Variants in FGF13 observed in about 807,000 individuals in gnomAD.
FGF13 encodes fibroblast growth factor homologous factor 2.
A neutral mutation model predicts 19.5 loss-of-function variants in FGF13; 2 were observed. The observed-to-expected ratio is 0.10, with a 90% CI of 0.04 to 0.32. FGF13 has a LOEUF of 0.32. Among genes scored for constraint, FGF13 ranks in the 10% least tolerant of loss-of-function variants. The pLI is 1.00. For synonymous variants in FGF13, 72 were observed against 76.9 expected, an observed-to-expected ratio of 0.94 and a Z score of 0.33; for missense variants, 113 against 192.7, an observed-to-expected ratio of 0.59 and a Z score of 2.45.
chrX:139,196,301 G>A (rs2084370490), intron 1 of FGF13, among the ~76,000 whole-genome samples: 1 of 112,004 alleles, frequency 8.9e-6, no homozygotes, highest in Admixed American at 9.5e-5. Flanking sequence ...AAACCAATAT[G>A]AAAGCCAAAG....
chrX:139,151,962 T>C (rs1280268487), intron 1 of FGF13, among the ~76,000 whole-genome samples: 1 of 111,581 alleles, frequency 9.0e-6, no homozygotes, highest in Non-Finnish European at 1.9e-5. Flanking sequence ...GGTATTAAAA[T>C]GTCCTACAAT....
At chrX:138,921,751 C>T (rs932258776) in intron 1 of FGF13, among the ~76,000 whole-genome samples, 1 of 110,884 alleles carries the variant, frequency 9.0e-6, no homozygotes. Flanking sequence ...ACCTTTGAAT[C>T]TAACCTTGTA....
At position 138,975,152 on chromosome X, in the gene FGF13, A is replaced by G. The variant is rs187746111; in HGVS notation, c.-112-110502T>C. ...TCAATGGAAAAACAATAATGAAAGC[A>G]ATAATACTCCCCATGTGCATGGCAC... On this transcript the variant is annotated intron_variant, in intron 1 of 2. Transcript: ENST00000421460. Among the ~76,000 whole-genome samples the G allele has an allele frequency of 2.6e-3, 292 of 113,143 alleles. 2 individuals are homozygous for G. The highest frequency in any genetic ancestry group is 8.9e-3 in the African/African-American group (277 of 31,215).
intron 1 of FGF13, among the ~76,000 whole-genome samples, chrX:138,868,707 C>T (rs777906950): frequency 9.0e-6 from 1 of 111,068 alleles, no homozygotes; most frequent in South Asian, 3.9e-4. Context: ...AGAAAATGTG[C>T]TCATCAACAC....
At chrX:138,792,058 G>A (rs976230257) in intron 3 of FGF13, among the ~76,000 whole-genome samples, 1 of 111,653 alleles carries the variant, frequency 9.0e-6, no homozygotes, top group Admixed American at 9.6e-5. Flanking sequence ...GCTGAGTAGT[G>A]TTGCTAGCTT....
intron 1 of FGF13, among the ~76,000 whole-genome samples, chrX:138,950,275 ACTAT>A (rs2091804060): frequency 9.0e-6 from 1 of 111,428 alleles, no homozygotes; most frequent in Non-Finnish European, 1.9e-5. Context: ...AACCCACAAA[ACTAT>A]CTTTCACCTT....
chrX:138,772,108 G>A (rs182091884), intron 3 of FGF13, among the ~76,000 whole-genome samples: 202 of 93,532 alleles, frequency 2.2e-3, no homozygotes, highest in African/African-American at 7.0e-3. Context: ...TCACCATGTC[G>A]TATACCTTAA....
intron 1 of FGF13, among the ~76,000 whole-genome samples, chrX:138,885,850 G>A (rs1314315912): frequency 9.1e-6 from 1 of 109,880 alleles, no homozygotes; most frequent in Non-Finnish European, 1.9e-5. Flanking sequence ...TTAAATAGAT[G>A]AATAAATATT....
intron 1 of FGF13, among the ~76,000 whole-genome samples, chrX:139,125,096 C>T (rs1157309855): frequency 9.0e-6 from 1 of 111,321 alleles, no homozygotes; most frequent in Non-Finnish European, 1.9e-5. Flanking sequence ...ATTATGAGTC[C>T]CAAATGTTCA....
At chrX:139,135,774 G>A (rs1042087454) in intron 1 of FGF13, among the ~76,000 whole-genome samples, 2 of 111,399 alleles carry the variant, frequency 1.8e-5, no homozygotes, top group African/African-American at 6.5e-5. Flanking sequence ...CCTAATATTT[G>A]GGGGCTCAAA....
chrX:138,887,344 T>C, intron 1 of FGF13, among the ~76,000 whole-genome samples: 1 of 111,976 alleles, frequency 8.9e-6, no homozygotes, highest in Non-Finnish European at 1.9e-5. Flanking sequence ...TTTACTTTAA[T>C]AGAATCAAGT....
chrX:138,856,013 G>C (rs190407529), downstream of FGF13, among the ~76,000 whole-genome samples: 1 of 109,198 alleles, frequency 9.2e-6, no homozygotes, highest in East Asian at 2.9e-4. Context: ...TTAGAGTAAA[G>C]AAAGCAGAAA....
intron 3 of FGF13, among the ~76,000 whole-genome samples, chrX:138,834,196 T>C (rs934660309): frequency 8.9e-6 from 1 of 112,113 alleles, no homozygotes; most frequent in African/African-American, 3.2e-5. Flanking sequence ...TTGTTTTCAA[T>C]TTTTTGGAAC....
intron 1 of FGF13, among the ~76,000 whole-genome samples, chrX:139,073,637 C>A (rs1402978280): frequency 8.9e-6 from 1 of 111,877 alleles, no homozygotes; most frequent in Non-Finnish European, 1.9e-5. Context: ...AGCCCCATGA[C>A]TACCTTCTTT....
At position 138,996,845 on chromosome X, in the gene FGF13, C is replaced by T. The variant is rs775220344; in HGVS notation, c.-112-132195G>A. 6.2e-5 allele frequency among the ~76,000 whole-genome samples: 7 copies of T among 112,230 alleles called. No homozygotes were observed. In the East Asian group the frequency reaches 2.0e-3, roughly 32 times the overall value. ...CGAGCTCTGATAACAGACAGACTGC[C>T]TCCTCAAGTGGGTCCCTGACCCACA... On this transcript the variant is annotated intron_variant, in intron 1 of 2. Transcript: ENST00000421460.
At chrX:139,009,625 C>G (rs2092119579) in intron 1 of FGF13, among the ~76,000 whole-genome samples, 1 of 111,546 alleles carries the variant, frequency 9.0e-6, no homozygotes, top group African/African-American at 3.3e-5. Flanking sequence ...CACTACCAAG[C>G]CAGCACTACA....
chrX:138,945,612 T>C (rs2091778288), intron 1 of FGF13, among the ~76,000 whole-genome samples: 1 of 111,758 alleles, frequency 8.9e-6, no homozygotes, highest in South Asian at 3.8e-4. Flanking sequence ...CAATAATTGT[T>C]AATTATCTTG....
intron 1 of FGF13, among the ~76,000 whole-genome samples, chrX:138,991,762 T>C (rs1224055501): frequency 8.9e-6 from 1 of 112,042 alleles, no homozygotes; most frequent in Non-Finnish European, 1.9e-5. Context: ...TCTTATGTAA[T>C]ATAACTTACA....
At chrX:138,950,432 C>A (rs769813963) in intron 1 of FGF13, among the ~76,000 whole-genome samples, 40 of 111,993 alleles carry the variant, frequency 3.6e-4, no homozygotes, top group African/African-American at 1.1e-3. Context: ...CTTTGAAGCA[C>A]TCATATTCTC....
Sources: allele counts gnomAD v4.1 joint callset (sites outside exome capture counted in the v4.1 genomes callset), GRCh38; gene constraint gnomAD v4.1.1; transcripts MANE v1.5; gene names NCBI Gene and HGNC (gene_info 2026-07-23, HGNC 2026-07-21).